Variants in DCC observed in about 807,000 individuals in gnomAD.
DCC encodes DCC netrin 1 receptor.
A neutral mutation model predicts 172.5 loss-of-function variants in DCC; 58 were observed. The ratio of observed to expected loss-of-function variants is 0.34; its 90% CI spans 0.27 to 0.42. The LOEUF is 0.42. DCC is among the 10% of genes least tolerant of loss of function. The pLI is 1.00. For synonymous variants in DCC, 709 were observed against 644.5 expected, an observed-to-expected ratio of 1.10 and a Z score of -1.52; for missense variants, 1,740 against 1,791.0, an observed-to-expected ratio of 0.97 and a Z score of 0.51.
At chr18:52,442,684 G>T (rs1988004649) in intron 1 of DCC, among the ~76,000 whole-genome samples, 1 of 152,192 alleles carries the variant, frequency 6.6e-6, no homozygotes, top group Non-Finnish European at 1.5e-5. Context: ...AAAATTTACA[G>T]ATTGAGAAAA....
At chr18:53,346,461 TTTC>T (rs2057726669) in intron 15 of DCC, among the ~76,000 whole-genome samples, 1 of 152,174 alleles carries the variant, frequency 6.6e-6, no homozygotes, top group South Asian at 2.1e-4. Context: ...ACTGTGATGT[TTTC>T]TTTCGTTTTT....
chr18:52,677,038 G>A (rs1392190102), intron 1 of DCC, among the ~76,000 whole-genome samples: 3 of 151,984 alleles, frequency 2.0e-5, no homozygotes, highest in African/African-American at 4.8e-5. Context: ...GTTTTTTAAT[G>A]TAGCTCAAAG....
intron 15 of DCC, among the ~76,000 whole-genome samples, chr18:53,379,458 T>A (rs1433876353): frequency 6.6e-6 from 1 of 152,226 alleles, no homozygotes; most frequent in Non-Finnish European, 1.5e-5. Flanking sequence ...TACAGCATCT[T>A]GGTCTAGCCC....
intron 7 of DCC, among the ~76,000 whole-genome samples, chr18:53,076,547 T>C (rs1568287931): frequency 6.6e-6 from 1 of 152,188 alleles, no homozygotes; most frequent in African/African-American, 2.4e-5. Context: ...CCCGTGGCAA[T>C]GCATTTATGC....
rs938677053 is a variant in DCC at position 52,736,810 on chromosome 18, C to A, written c.92-15244C>A. On this transcript the variant is annotated intron_variant, in intron 1 of 28. Coordinates refer to ENST00000442544, the MANE Select transcript of DCC (RefSeq NM_005215.4). ...GCTACAGGTATTAGGAGAGAACCCACAAGTGGGGCAGAACAAGAGTGGAAG... is the reference window on the plus strand; with the variant it reads ...GCTACAGGTATTAGGAGAGAACCCAAAAGTGGGGCAGAACAAGAGTGGAAG... Among the ~76,000 whole-genome samples the A allele has an allele frequency of 3.3e-5, 5 of 152,044 alleles. 1 individual carries two copies. The South Asian group carries it at 1.0e-3, about 31-fold the overall frequency.
At chr18:52,771,871 G>GAA (rs55924643) in intron 2 of DCC, among the ~76,000 whole-genome samples, 13,002 of 130,668 alleles carry the variant, frequency 0.1, 799 homozygotes, top group Middle Eastern at 0.19. Flanking sequence ...AGAAACTTGT[G>GAA]AAAAAAAAAA....
intron 1 of DCC, among the ~76,000 whole-genome samples, chr18:52,526,927 C>G (rs1197355043): frequency 2.0e-5 from 3 of 152,122 alleles, no homozygotes. Context: ...TTACAGGTAT[C>G]CCCAGAAATC....
intron 1 of DCC, among the ~76,000 whole-genome samples, chr18:52,449,737 C>A (rs1988241757): frequency 6.6e-6 from 1 of 152,074 alleles, no homozygotes. Context: ...ATGGGAGGGA[C>A]CTGGTGGTGG....
At chr18:53,440,013 C>T (rs978507737) in intron 22 of DCC, among the ~76,000 whole-genome samples, 13 of 151,766 alleles carry the variant, frequency 8.6e-5, no homozygotes, top group African/African-American at 3.2e-4. Context: ...GATCCGCCCG[C>T]CTCGGCCTCC....
chr18:53,466,513 T>G (rs1336545031), intron 24 of DCC, among the ~76,000 whole-genome samples: 1 of 152,104 alleles, frequency 6.6e-6, no homozygotes, highest in Admixed American at 6.6e-5. Flanking sequence ...AGGAGTAATA[T>G]TTGCATAGTT....
intron 12 of DCC, among the ~76,000 whole-genome samples, chr18:53,284,213 G>A (rs2056908197): frequency 6.6e-6 from 1 of 152,120 alleles, no homozygotes; most frequent in South Asian, 2.1e-4. Flanking sequence ...AAAGGATTGA[G>A]ATTGAAACCT....
chr18:52,590,160 T>C (rs1598937132), intron 1 of DCC, among the ~76,000 whole-genome samples: 1 of 2,016 alleles, frequency 5.0e-4, no homozygotes, highest in South Asian at 0.12. Flanking sequence ...GTATAAATGG[T>C]GTGTGTGTGT....
At chr18:52,908,273 T>C (rs2039920244) in intron 3 of DCC, among the ~76,000 whole-genome samples, 1 of 152,206 alleles carries the variant, frequency 6.6e-6, no homozygotes, top group Non-Finnish European at 1.5e-5. Flanking sequence ...TTGCAGATTC[T>C]CTACTCCATT....
intron 3 of DCC, among the ~76,000 whole-genome samples, chr18:52,909,667 G>A (rs189780574): frequency 2.0e-5 from 3 of 152,170 alleles, no homozygotes; most frequent in Admixed American, 6.5e-5. Context: ...TGGTTTTAAA[G>A]TGCTGTCTTT....
chr18:52,391,410 T>C (rs1352277361), intron 1 of DCC, among the ~76,000 whole-genome samples: 1 of 152,152 alleles, frequency 6.6e-6, no homozygotes, highest in African/African-American at 2.4e-5. Context: ...TTTCTGGTTT[T>C]GCATCCTCTA....
At chr18:52,459,528 C>T (rs192377511) in intron 1 of DCC, among the ~76,000 whole-genome samples, 3 of 151,876 alleles carry the variant, frequency 2.0e-5, no homozygotes, top group East Asian at 1.9e-4. Context: ...AGTGCAGTGG[C>T]GCTATCTCGG....
intron 1 of DCC, among the ~76,000 whole-genome samples, chr18:52,632,628 G>T (rs1370752867): frequency 6.6e-6 from 1 of 152,144 alleles, no homozygotes; most frequent in Non-Finnish European, 1.5e-5. Context: ...CTTTTCTCCT[G>T]TTATCCTTCT....
At chr18:53,128,292 G>A (rs1344734513) in intron 7 of DCC, among the ~76,000 whole-genome samples, 1 of 152,004 alleles carries the variant, frequency 6.6e-6, no homozygotes, top group Admixed American at 6.6e-5. Flanking sequence ...GTTTTTATTG[G>A]TAGTCATTTT....
intron 2 of DCC, among the ~76,000 whole-genome samples, chr18:52,899,063 C>A (rs1175441043): frequency 6.6e-6 from 1 of 152,324 alleles, no homozygotes; most frequent in Non-Finnish European, 1.5e-5. Flanking sequence ...CTACACCAAC[C>A]CATCTCTTCA....
Sources: allele counts gnomAD v4.1 joint callset (sites outside exome capture counted in the v4.1 genomes callset), GRCh38; gene constraint gnomAD v4.1.1; transcripts MANE v1.5; gene names NCBI Gene and HGNC (gene_info 2026-07-23, HGNC 2026-07-21).